The following PPM1E variants were observed in gnomAD, a reference collection of about 807,000 sequenced individuals.
The protein encoded by PPM1E is protein phosphatase 1E.
In PPM1E, 20 loss-of-function variants were observed where a neutral mutation model predicts 65.9. That is an observed-to-expected ratio of 0.30 (90% CI 0.21 to 0.44). PPM1E has a LOEUF of 0.44. Among genes scored for constraint, PPM1E ranks in the 20% least tolerant of loss-of-function variants. PPM1E has a pLI of 1.00. For missense variants in PPM1E, 713 were observed against 953.1 expected (o/e 0.75, Z 3.32); for synonymous variants, 352 against 374.9 (o/e 0.94, Z 0.70).
intron 3 of PPM1E, among the ~76,000 whole-genome samples, chr17:58,968,825 G>A (rs1482089418): frequency 1.3e-5 from 2 of 152,174 alleles, no homozygotes; most frequent in Non-Finnish European, 2.9e-5. Context: ...ATCCTCCTCT[G>A]GCAGTTTACT....
chr17:58,893,937 G>T (rs906141448), intron 1 of PPM1E, among the ~76,000 whole-genome samples: 13 of 151,914 alleles, frequency 8.6e-5, no homozygotes, highest in African/African-American at 3.1e-4. Context: ...AGCTGGATGT[G>T]GTGGCAAACA....
At chr17:58,779,382 A>C (rs1416408478) in intron 1 of PPM1E, among the ~76,000 whole-genome samples, 1 of 152,022 alleles carries the variant, frequency 6.6e-6, no homozygotes, top group Non-Finnish European at 1.5e-5. Context: ...CATGTTTGCC[A>C]GTCTGGTCTC....
chr17:58,834,076 T>C (rs2050630757), intron 1 of PPM1E, among the ~76,000 whole-genome samples: 1 of 152,220 alleles, frequency 6.6e-6, no homozygotes, highest in Non-Finnish European at 1.5e-5. Context: ...TTCGCCCATT[T>C]GGAAGTGTTT....
chr17:58,896,672 G>A (rs1021109339), intron 1 of PPM1E, among the ~76,000 whole-genome samples: 4 of 152,220 alleles, frequency 2.6e-5, no homozygotes, highest in East Asian at 1.9e-4. Context: ...AGCCAGCTCC[G>A]TAACTTAAAA....
rs575307399 is a variant in PPM1E at position 58,803,106 on chromosome 17, A to G, written c.464+46645A>G. Among the ~76,000 whole-genome samples the G allele has an allele frequency of 7.9e-5, 12 of 152,162 alleles. No homozygotes were observed. The South Asian group carries it at 2.5e-3, about 32-fold the overall frequency. The stretch of plus-strand genomic sequence containing the variant: ...GAATAGCACTATGTTCTAGTTTTGT[A>G]CTATGTTGAGTAGAAATGGCAAAAC... On this transcript the variant is annotated intron_variant, in intron 1 of 6. Coordinates refer to ENST00000308249, the MANE Select transcript of PPM1E (RefSeq NM_014906.5).
In PPM1E at chr17:58,905,379, C is replaced by G. The variant is rs2143483375; in HGVS notation, c.465-50270C>G. On this transcript the variant is annotated intron_variant, in intron 1 of 6. Transcript: ENST00000308249. ...TTCTTTATTAAGTTAAAGAAGTTGCCCTCTATTTCTGGTTAACTGAGAGTT... is the reference window on the plus strand; with the variant it reads ...TTCTTTATTAAGTTAAAGAAGTTGCGCTCTATTTCTGGTTAACTGAGAGTT... 2.0e-5 allele frequency among the ~76,000 whole-genome samples: 3 copies of G among 152,008 alleles called. 1 individual carries two copies. In the Middle Eastern group the frequency reaches 0.01, roughly 517 times the overall value.
intron 1 of PPM1E, among the ~76,000 whole-genome samples, chr17:58,886,751 A>G (rs2051269808): frequency 6.6e-6 from 1 of 152,242 alleles, no homozygotes; most frequent in African/African-American, 2.4e-5. Context: ...ACATCTGTGA[A>G]CTTCAGAAAC....
intron 1 of PPM1E, among the ~76,000 whole-genome samples, chr17:58,913,552 G>A (rs1347678356): frequency 6.6e-6 from 1 of 152,154 alleles, no homozygotes; most frequent in East Asian, 1.9e-4. Context: ...AGAGCCAGCT[G>A]AGCAGAAGAC....
At chr17:58,942,350 C>T (rs1179618557) in intron 1 of PPM1E, among the ~76,000 whole-genome samples, 1 of 152,122 alleles carries the variant, frequency 6.6e-6, no homozygotes, top group Non-Finnish European at 1.5e-5. Flanking sequence ...TGCATCACTA[C>T]ACTCCAGTCT....
chr17:58,777,717 A>G (rs570190992), intron 1 of PPM1E, among the ~76,000 whole-genome samples: 1 of 152,310 alleles, frequency 6.6e-6, no homozygotes, highest in East Asian at 1.9e-4. Context: ...ACAGAATTTT[A>G]CCTTACTACA....
intron 1 of PPM1E, among the ~76,000 whole-genome samples, chr17:58,911,796 T>C (rs1014638260): frequency 5.9e-5 from 9 of 152,136 alleles, no homozygotes; most frequent in African/African-American, 2.2e-4. Flanking sequence ...AAGAGTGAGA[T>C]AGACATTCAT....
At chr17:58,871,931 G>A (rs1886537927) in intron 1 of PPM1E, among the ~76,000 whole-genome samples, 1 of 152,140 alleles carries the variant, frequency 6.6e-6, no homozygotes, top group African/African-American at 2.4e-5. Context: ...AAGTCACAAA[G>A]ATTCATTTCC....
chr17:58,878,039 A>G (rs1237385937), intron 1 of PPM1E, among the ~76,000 whole-genome samples: 1 of 152,178 alleles, frequency 6.6e-6, no homozygotes, highest in Non-Finnish European at 1.5e-5. Flanking sequence ...AAATAAGAAA[A>G]TAAAAGCGTG....
intron 1 of PPM1E, among the ~76,000 whole-genome samples, chr17:58,841,557 G>A (rs541275972): frequency 7.3e-6 from 1 of 137,054 alleles, no homozygotes; most frequent in African/African-American, 2.8e-5. Flanking sequence ...GTCTTGCTCT[G>A]TCTCCCAGAC....
chr17:58,897,286 C>T lies in PPM1E; in HGVS notation c.465-58363C>T, dbSNP rs577596549. Among the ~76,000 whole-genome samples, 7 of 151,614 alleles carry T rather than the reference C, an allele frequency of 4.6e-5. 1 individual carries two copies. Among genetic ancestry groups the T allele is most frequent in the Admixed American group, 1.3e-4 (2 of 15,200 alleles). On this transcript the variant is annotated intron_variant, in intron 1 of 6. Coordinates refer to ENST00000308249, the MANE Select transcript of PPM1E (RefSeq NM_014906.5). ...AAAATTAGCCGGGCATGGTGGTGGG[C>T]GCCTGTAGTCCCAGCTACTTGGGAG...
intron 1 of PPM1E, among the ~76,000 whole-genome samples, chr17:58,771,850 G>C (rs2144175993): frequency 6.6e-6 from 1 of 152,212 alleles, no homozygotes; most frequent in Non-Finnish European, 1.5e-5. Flanking sequence ...TGTGCTAAAT[G>C]CTACTTATTC....
chr17:58,823,426 G>A (rs923220872), intron 1 of PPM1E, among the ~76,000 whole-genome samples: 1 of 152,160 alleles, frequency 6.6e-6, no homozygotes, highest in African/African-American at 2.4e-5. Context: ...TAGGTGAAAA[G>A]GCAAAGACCT....
chr17:58,826,878 C>T (rs900563555), intron 1 of PPM1E, among the ~76,000 whole-genome samples: 6 of 152,092 alleles, frequency 3.9e-5, no homozygotes, highest in Admixed American at 6.6e-5. Flanking sequence ...ATCCGCCCTC[C>T]TCAGCCTCCC....
intron 1 of PPM1E, among the ~76,000 whole-genome samples, chr17:58,912,929 G>A (rs1441239470): frequency 6.6e-6 from 1 of 152,150 alleles, no homozygotes; most frequent in Admixed American, 6.6e-5. Context: ...GCTGAGGAGG[G>A]TAGCACACCT....
Sources: gnomAD v4.1 joint callset for allele counts (sites outside exome capture counted in the v4.1 genomes callset) on GRCh38, gnomAD v4.1.1 for gene constraint, MANE v1.5 for transcripts, NCBI Gene and HGNC (gene_info 2026-07-23, HGNC 2026-07-21) for gene names.